NMBR: variants seen among roughly 807,000 people sequenced by gnomAD.
The protein encoded by NMBR is neuromedin B receptor.
In NMBR, 16 loss-of-function variants were observed where a neutral mutation model predicts 20.5. The observed-to-expected ratio is 0.78, with a 90% CI of 0.53 to 1.19. The LOEUF (loss-of-function observed/expected upper bound fraction) is 1.19. Ranked by LOEUF, NMBR falls within the 50% of genes most tolerant of loss-of-function variation. The probability of loss-of-function intolerance (pLI) is 0.00; values close to 1 mark genes in which losing one functional copy is unlikely to be tolerated. For missense variants in NMBR, 582 were observed against 499.1 expected, an observed-to-expected ratio of 1.17 and a Z score of -1.58; for synonymous variants, 212 against 196.6, an observed-to-expected ratio of 1.08 and a Z score of -0.65.
chr6:142,083,748 T>C (rs1777149405), intron 2 of NMBR, among the ~76,000 whole-genome samples: 1 of 152,164 alleles, frequency 6.6e-6, no homozygotes, highest in Non-Finnish European at 1.5e-5. Flanking sequence ...CTGCCATGTT[T>C]CTAAGTCTCC....
intron 1 of NMBR, among the ~76,000 whole-genome samples, chr6:142,142,654 A>G (rs528530359): frequency 1.7e-3 from 251 of 152,042 alleles, no homozygotes; most frequent in Non-Finnish European, 2.9e-3. Context: ...AGACAAAAAC[A>G]AAATAAACAT....
chr6:142,096,279 A>T (rs9496265), intron 1 of NMBR, among the ~76,000 whole-genome samples: 35,978 of 151,840 alleles, frequency 0.24, 5,133 homozygotes, highest in East Asian at 0.71. Context: ...TGCTTTCTCT[A>T]GTGGGCATTT....
At chr6:142,145,600 C>T (rs1778418409) in intron 1 of NMBR, among the ~76,000 whole-genome samples, 1 of 151,438 alleles carries the variant, frequency 6.6e-6, no homozygotes, top group African/African-American at 2.4e-5. Flanking sequence ...ATGCTGCTAG[C>T]TAGTTATTAT....
At chr6:142,136,517 A>G (rs952757701) in intron 1 of NMBR, among the ~76,000 whole-genome samples, 44 of 152,192 alleles carry the variant, frequency 2.9e-4, no homozygotes, top group Non-Finnish European at 5.1e-4. Context: ...CCATTTGTCA[A>G]TTTTGGCTTT....
chr6:142,121,453 T>A (rs779077004), intron 1 of NMBR, among the ~76,000 whole-genome samples: 3 of 151,908 alleles, frequency 2.0e-5, no homozygotes, highest in Non-Finnish European at 4.4e-5. Context: ...GCTGTGAATG[T>A]AAAGGAAAAA....
rs1776940824 is a variant in NMBR at position 142,076,067 on chromosome 6, T to C, written c.772-18A>G. ...GTTTCCATCTGCAAATATAAGAAATTGATCCCATTGGTTAAAGTGAAAATG... is the reference window on the plus strand; with the variant it reads ...GTTTCCATCTGCAAATATAAGAAATCGATCCCATTGGTTAAAGTGAAAATG... On this transcript the variant is annotated intron_variant, in intron 3 of 3. Coordinates refer to ENST00000258042, the MANE Select transcript of NMBR (RefSeq NM_002511.4). 12 of 1,545,026 alleles carry C rather than the reference T, an allele frequency of 7.8e-6. No homozygotes were observed. Among genetic ancestry groups the C allele is most frequent in the Admixed American group, 4.2e-5 (2 of 47,814 alleles).
rs73777128 is a variant in NMBR at position 142,139,765 on chromosome 6, T to C, written c.-664+7279A>G. ...TATGATTTCATTTTATTAGTAACTATATCAGAATTGTTAGCACACAGCTAT... is the reference window on the plus strand; with the variant it reads ...TATGATTTCATTTTATTAGTAACTACATCAGAATTGTTAGCACACAGCTAT... On this transcript the variant is annotated intron_variant, in intron 1 of 3. Transcript: ENST00000258042. 4.5e-3 allele frequency among the ~76,000 whole-genome samples: 681 copies of C among 152,342 alleles called. 2 individuals are homozygous for C. The highest frequency in any genetic ancestry group is 0.016 in the African/African-American group (657 of 41,576).
intron 1 of NMBR, among the ~76,000 whole-genome samples, chr6:142,100,698 C>T (rs1777543800): frequency 1.3e-5 from 2 of 152,100 alleles, no homozygotes; most frequent in African/African-American, 2.4e-5. Flanking sequence ...TAATCTATGA[C>T]TGAGTAATCA....
At position 142,088,598 on chromosome 6, in the gene NMBR, C is replaced by G. The variant is rs777114528; in HGVS notation, c.61G>C (p.Val21Leu). ...VTTGANESGS[V>L]PEGWERDFLP... is the part of the protein sequence containing the mutation. The stretch of plus-strand genomic sequence containing the variant: ...AAATCCCTTTCCCACCCCTCGGGAA[C>G]GGAACCGCTCTCATTCGCGCCGGTG... The change falls in exon 2 of 4, where the codon GTT (valine) becomes CTT (leucine). Residue 21 changes from valine (V) to leucine (L), a missense_variant. By Grantham distance (32) the Val-to-Leu change is conservative. Coordinates refer to ENST00000258042, the MANE Select transcript of NMBR (RefSeq NM_002511.4). The G allele has an allele frequency of 8.1e-6, 13 of 1,612,148 alleles. No homozygotes were observed. Among genetic ancestry groups the G allele is most frequent in the Admixed American group, 1.7e-5 (1 of 60,008 alleles).
At chr6:142,131,765 CCTT>C (rs1156691425) in intron 1 of NMBR, among the ~76,000 whole-genome samples, 1 of 152,148 alleles carries the variant, frequency 6.6e-6, no homozygotes, top group Non-Finnish European at 1.5e-5. Flanking sequence ...TGCTGCACTC[CCTT>C]CTTCTACACA....
chr6:142,083,060 T>A (rs112249525), intron 2 of NMBR, among the ~76,000 whole-genome samples: 1,530 of 152,312 alleles, frequency 0.01, 33 homozygotes, highest in African/African-American at 0.035. Flanking sequence ...TTATGAATCT[T>A]GTGAGAATTA....
chr6:142,084,727 G>C (rs1001906345), intron 2 of NMBR, among the ~76,000 whole-genome samples: 5 of 152,130 alleles, frequency 3.3e-5, no homozygotes, highest in African/African-American at 1.2e-4. Context: ...GAGGCCAAAA[G>C]ATCTTCAAGA....
chr6:142,092,390 T>C (rs1244951290), intron 1 of NMBR, among the ~76,000 whole-genome samples: 3 of 152,084 alleles, frequency 2.0e-5, no homozygotes, highest in South Asian at 2.1e-4. Context: ...TGTAATACTA[T>C]ATGTAGTATT....
At chr6:142,129,640 T>C (rs1778103974) in intron 1 of NMBR, among the ~76,000 whole-genome samples, 1 of 152,082 alleles carries the variant, frequency 6.6e-6, no homozygotes, top group Non-Finnish European at 1.5e-5. Flanking sequence ...TTATTTATTC[T>C]TCCCTGAAAC....
chr6:142,117,530 C>G (rs1777876350), intron 1 of NMBR, among the ~76,000 whole-genome samples: 1 of 151,798 alleles, frequency 6.6e-6, no homozygotes, highest in Non-Finnish European at 1.5e-5. Context: ...GTCTCAAGCT[C>G]ATTATTATTC....
intron 3 of NMBR, among the ~76,000 whole-genome samples, chr6:142,076,980 A>G (rs910996206): frequency 6.6e-6 from 1 of 152,176 alleles, no homozygotes; most frequent in African/African-American, 2.4e-5. Context: ...GTAATGGAGG[A>G]AGCGAAGAAA....
At chr6:142,127,496 T>G (rs1778060928) in intron 1 of NMBR, among the ~76,000 whole-genome samples, 1 of 152,110 alleles carries the variant, frequency 6.6e-6, no homozygotes, top group African/African-American at 2.4e-5. Flanking sequence ...ATATAAATTT[T>G]AGGATTGTTT....
At chr6:142,105,408 T>C (rs1398331434) in intron 1 of NMBR, among the ~76,000 whole-genome samples, 1 of 152,216 alleles carries the variant, frequency 6.6e-6, no homozygotes, top group African/African-American at 2.4e-5. Flanking sequence ...TTGTGTATTA[T>C]CAATGTTAAA....
intron 1 of NMBR, among the ~76,000 whole-genome samples, chr6:142,097,637 A>T (rs1033941013): frequency 1.3e-5 from 2 of 152,102 alleles, no homozygotes; most frequent in Non-Finnish European, 2.9e-5. Context: ...AGAACGCAAC[A>T]AGGTAAAATT....
Sources: gnomAD v4.1 joint callset for allele counts (sites outside exome capture counted in the v4.1 genomes callset) on GRCh38, gnomAD v4.1.1 for gene constraint, MANE v1.5 for transcripts, NCBI Gene and HGNC (gene_info 2026-07-23, HGNC 2026-07-21) for gene names.